Variants in CACNG2 observed in about 807,000 individuals in gnomAD.
The protein encoded by CACNG2 is voltage-dependent calcium channel gamma-2 subunit.
A neutral mutation model predicts 25.9 loss-of-function variants in CACNG2; 3 were observed. The observed-to-expected ratio is 0.12, with a 90% confidence interval of 0.05 to 0.30. CACNG2 has a LOEUF of 0.30. CACNG2 is among the 10% of genes least tolerant of loss of function. The probability of loss-of-function intolerance (pLI) is 1.00; values close to 1 mark genes in which losing one functional copy is unlikely to be tolerated. For synonymous variants in CACNG2, 167 were observed against 173.3 expected (o/e 0.96, Z 0.29); for missense variants, 341 against 432.5 (o/e 0.79, Z 1.88).
At chr22:36,572,521 G>A (rs560466316) in intron 2 of CACNG2, among the ~76,000 whole-genome samples, 1 of 152,238 alleles carries the variant, frequency 6.6e-6, no homozygotes, top group South Asian at 2.1e-4. Context: ...GGCCAATATG[G>A]CGAAACCCCA....
intron 1 of CACNG2, among the ~76,000 whole-genome samples, chr22:36,645,536 C>CAAAAAAAAAAAAAAAAAAAAAAAAAAAA (rs200600420): frequency 7.4e-6 from 1 of 134,760 alleles, no homozygotes; most frequent in Non-Finnish European, 1.6e-5. Flanking sequence ...GACTCTGTCT[C>CAAAAAAAAAAAAAAAAAAAAAAAAAAAA]AAAAAAAAAA....
At chr22:36,671,926 G>A (rs2145993592) in intron 1 of CACNG2, among the ~76,000 whole-genome samples, 1 of 152,300 alleles carries the variant, frequency 6.6e-6, no homozygotes, top group African/African-American at 2.4e-5. Context: ...GTGTATTCTT[G>A]GGGATAAGAG....
chr22:36,648,798 T>A (rs1468669255), intron 1 of CACNG2, among the ~76,000 whole-genome samples: 1 of 152,086 alleles, frequency 6.6e-6, no homozygotes, highest in Non-Finnish European at 1.5e-5. Context: ...CCAATACCGA[T>A]CATATCCCAT....
At chr22:36,598,146 G>A (rs1005285628) in intron 1 of CACNG2, among the ~76,000 whole-genome samples, 8 of 152,076 alleles carry the variant, frequency 5.3e-5, no homozygotes, top group African/African-American at 1.9e-4. Context: ...TTTAATTAAT[G>A]GTAATGGCTG....
intron 2 of CACNG2, among the ~76,000 whole-genome samples, chr22:36,584,115 C>G (rs1935462842): frequency 6.6e-6 from 1 of 152,158 alleles, no homozygotes; most frequent in Non-Finnish European, 1.5e-5. Context: ...GCCCCTCCCC[C>G]ATCACTCTCC....
intron 1 of CACNG2, among the ~76,000 whole-genome samples, chr22:36,617,622 C>T (rs988399993): frequency 1.4e-5 from 2 of 147,728 alleles, no homozygotes; most frequent in African/African-American, 5.1e-5. Context: ...AACCCTGATC[C>T]TGGGCATCTA....
intron 2 of CACNG2, among the ~76,000 whole-genome samples, chr22:36,570,350 C>A (rs766337083): frequency 6.6e-6 from 1 of 152,156 alleles, no homozygotes; most frequent in Non-Finnish European, 1.5e-5. Flanking sequence ...ACCAAGGCAG[C>A]GTATGACATG....
At chr22:36,574,110 A>G (rs1935276418) in intron 2 of CACNG2, among the ~76,000 whole-genome samples, 4 of 152,000 alleles carry the variant, frequency 2.6e-5, no homozygotes, top group African/African-American at 9.7e-5. Flanking sequence ...TGAGCTAAAG[A>G]GCTTAGCTTT....
Position 36,563,837 on chromosome 22 carries a change from C to T in CACNG2, c.*514G>A, listed in dbSNP as rs1157337725. 2.1e-5 allele frequency: 3 copies of T among 140,964 alleles called. No homozygotes were observed. Among genetic ancestry groups the T allele is most frequent in the Admixed American group, 6.8e-5 (1 of 14,646 alleles). The allele number at this position is 140,964 out of a possible 1,614,324, so 8.7% of individuals were successfully genotyped here. On this transcript the variant is annotated 3_prime_UTR_variant, in exon 4 of 4. Transcript: ENST00000300105. Reference sequence around the variant, plus strand: ...TAAAGGGAACAGAAAAGTAACTCTCCCCGAGTTAAAAAAAAAAAAAAAAAG... The same window carrying T: ...TAAAGGGAACAGAAAAGTAACTCTCTCCGAGTTAAAAAAAAAAAAAAAAAG...
At chr22:36,695,124 G>T (rs950385090) in intron 1 of CACNG2, among the ~76,000 whole-genome samples, 2 of 152,080 alleles carry the variant, frequency 1.3e-5, no homozygotes, top group African/African-American at 4.8e-5. Flanking sequence ...ACTGGGGCGG[G>T]AGGATCACTC....
intron 3 of CACNG2, among the ~76,000 whole-genome samples, chr22:36,565,292 A>G (rs1231474247): frequency 6.6e-6 from 1 of 152,234 alleles, no homozygotes. Context: ...CAGGGCTTCA[A>G]AGCTGGTGTA....
At chr22:36,601,692 C>T (rs1935755797) in intron 1 of CACNG2, among the ~76,000 whole-genome samples, 1 of 152,032 alleles carries the variant, frequency 6.6e-6, no homozygotes, top group Non-Finnish European at 1.5e-5. Context: ...GCCATGTGGG[C>T]CAGGCTGGTC....
intron 2 of CACNG2, among the ~76,000 whole-genome samples, chr22:36,579,169 C>G (rs1026599521): frequency 6.6e-6 from 1 of 152,086 alleles, no homozygotes; most frequent in Non-Finnish European, 1.5e-5. Context: ...CTTTGGGAAG[C>G]CGAGGTGGGT....
chr22:36,660,497 C>A (rs569195626), intron 1 of CACNG2, among the ~76,000 whole-genome samples: 26 of 152,382 alleles, frequency 1.7e-4, no homozygotes, highest in Admixed American at 1.0e-3. Context: ...CACAAGGCAA[C>A]TCCACGCTGC....
intron 1 of CACNG2, among the ~76,000 whole-genome samples, chr22:36,651,560 G>T (rs1007152925): frequency 6.6e-6 from 1 of 152,100 alleles, no homozygotes; most frequent in Non-Finnish European, 1.5e-5. Flanking sequence ...GGTGCTCCAT[G>T]AGTTCATTTT....
chr22:36,700,536 G>A (rs1270848654), intron 1 of CACNG2, among the ~76,000 whole-genome samples: 1 of 152,156 alleles, frequency 6.6e-6, no homozygotes, highest in African/African-American at 2.4e-5. Flanking sequence ...TCCAAGGAAA[G>A]CAAATTGCCA....
chr22:36,657,484 G>A (rs2145980643), intron 1 of CACNG2, among the ~76,000 whole-genome samples: 1 of 152,298 alleles, frequency 6.6e-6, no homozygotes, highest in South Asian at 2.1e-4. Context: ...GGGAGAAGAA[G>A]AGGTGTGCAC....
intron 1 of CACNG2, among the ~76,000 whole-genome samples, chr22:36,694,201 T>A (rs2746969): frequency 0.93 from 142,253 of 152,256 alleles, 66,679 homozygotes; most frequent in East Asian, 1. Flanking sequence ...ATTCTAAGGC[T>A]CGTATTTTAA....
chr22:36,634,856 G>C (rs905846098), intron 1 of CACNG2, among the ~76,000 whole-genome samples: 7 of 152,230 alleles, frequency 4.6e-5, no homozygotes, highest in African/African-American at 1.4e-4. Context: ...TGAAGGATAA[G>C]ATTGGAGTGA....
Sources: gnomAD v4.1 joint callset for allele counts (sites outside exome capture counted in the v4.1 genomes callset) on GRCh38, gnomAD v4.1.1 for gene constraint, MANE v1.5 for transcripts, NCBI Gene and HGNC (gene_info 2026-07-23, HGNC 2026-07-21) for gene names.